ADAMTS16: variants seen among roughly 807,000 people sequenced by gnomAD.
ADAMTS16 encodes A disintegrin and metalloproteinase with thrombospondin motifs 16.
ADAMTS16 carries 94 observed loss-of-function variants against 145.8 expected under a neutral mutation model. The observed-to-expected ratio is 0.64, with a 90% confidence interval of 0.55 to 0.77. The LOEUF (loss-of-function observed/expected upper bound fraction) is 0.77, where lower values mean the gene tolerates loss of function less well. Among genes scored for constraint, ADAMTS16 ranks in the 30% least tolerant of loss-of-function variants. The pLI, the probability that ADAMTS16 is intolerant of heterozygous loss-of-function variation, is 0.00. For synonymous variants in ADAMTS16, 659 were observed against 604.3 expected, an observed-to-expected ratio of 1.09 and a Z score of -1.33; for missense variants, 1,585 against 1,591.5, an observed-to-expected ratio of 1.00 and a Z score of 0.07.
At chr5:5,299,083 A>C (rs538222202) in intron 18 of ADAMTS16, among the ~76,000 whole-genome samples, 8 of 152,318 alleles carry the variant, frequency 5.3e-5, no homozygotes, top group African/African-American at 1.9e-4. Context: ...CCTGATACTT[A>C]TCAATGCCTC....
chr5:5,142,834 C>G (rs1579267117), intron 2 of ADAMTS16, among the ~76,000 whole-genome samples: 1 of 152,168 alleles, frequency 6.6e-6, no homozygotes, highest in Non-Finnish European at 1.5e-5. Context: ...ACCAAAAAAG[C>G]ATGGTACTGG....
At chr5:5,306,050 G>T (rs1740140304) in intron 20 of ADAMTS16, among the ~76,000 whole-genome samples, 1 of 152,212 alleles carries the variant, frequency 6.6e-6, no homozygotes, top group Admixed American at 6.5e-5. Flanking sequence ...CTCGCAGGCA[G>T]CACTCAGATG....
chr5:5,244,759 C>T (rs561387391), intron 17 of ADAMTS16, among the ~76,000 whole-genome samples: 3 of 152,212 alleles, frequency 2.0e-5, no homozygotes, highest in Admixed American at 2.0e-4. Flanking sequence ...TTTCATAATA[C>T]AGCTTCTACC....
At chr5:5,201,689 A>G (rs1735961660) in intron 9 of ADAMTS16, among the ~76,000 whole-genome samples, 2 of 151,944 alleles carry the variant, frequency 1.3e-5, no homozygotes, top group African/African-American at 2.4e-5. Flanking sequence ...GAAGAAAAAA[A>G]TAGCTTAGCA....
chr5:5,187,968 CT>C (rs1317324132), intron 6 of ADAMTS16, among the ~76,000 whole-genome samples, 160 bp downstream of exon 6: 1 of 151,922 alleles, frequency 6.6e-6, no homozygotes, highest in Non-Finnish European at 1.5e-5. Flanking sequence ...CTTTTCAATC[CT>C]TTTAAATGTT....
chr5:5,304,558 T>C (rs1739947185), intron 20 of ADAMTS16, among the ~76,000 whole-genome samples: 1 of 152,092 alleles, frequency 6.6e-6, no homozygotes, highest in South Asian at 2.1e-4. Context: ...AGCTCCTCCC[T>C]GATCCCACGC....
At chr5:5,223,569 T>C (rs1736671004) in intron 11 of ADAMTS16, 1 of 152,056 alleles carries the variant, frequency 6.6e-6, no homozygotes, top group African/African-American at 2.4e-5. Flanking sequence ...GTTATTCGAA[T>C]GCCAAACTTT....
Position 5,319,430 on chromosome 5 carries a change from T to C in ADAMTS16, c.*292T>C. ...GGCACCACAACGGGAGAGGCAGCACTCACCCCTGCCTGTTGCAGCTAAATC... is the reference window on the plus strand; with the variant it reads ...GGCACCACAACGGGAGAGGCAGCACCCACCCCTGCCTGTTGCAGCTAAATC... On this transcript the variant is annotated 3_prime_UTR_variant, in exon 23 of 23. Transcript: ENST00000274181. 2.3e-6 allele frequency: 1 copy of C among 435,168 alleles called. No individual in the cohort carries two copies. Among genetic ancestry groups the C allele is most frequent in the Non-Finnish European group, 4.2e-6 (1 of 238,226 alleles). The allele number at this position is 435,168 out of a possible 1,614,324, so 27.0% of individuals were successfully genotyped here. A position where few individuals can be genotyped will look rare whatever the true frequency, so the allele number is the denominator to read the frequency against.
At chr5:5,233,208 G>T (rs1409536078) in intron 12 of ADAMTS16, among the ~76,000 whole-genome samples, 2 of 152,086 alleles carry the variant, frequency 1.3e-5, no homozygotes, top group Non-Finnish European at 2.9e-5. Flanking sequence ...AAGCAAATTT[G>T]GGGGTTTTCC....
rs547508684 is a variant in ADAMTS16, at chr5:5,225,751, G to C, written c.1701+2867G>C. Among the ~76,000 whole-genome samples, 4 of 152,302 alleles carry C rather than the reference G, an allele frequency of 2.6e-5. No individual in the cohort carries two copies. The South Asian group carries it at 8.3e-4, about 32-fold the overall frequency. On this transcript the variant is annotated intron_variant, in intron 11 of 22. Transcript: ENST00000274181. ...CATGTGAGTGGAGGATTGAAGATTC[G>C]TGAGTATAAAGAAAACATAGAGTAG...
At chr5:5,163,127 G>A (rs1249710973) in intron 3 of ADAMTS16, among the ~76,000 whole-genome samples, 1 of 152,060 alleles carries the variant, frequency 6.6e-6, no homozygotes, top group Non-Finnish European at 1.5e-5. Flanking sequence ...ATAGGTATTG[G>A]GGCATTTTTA....
Position 5,319,805 on chromosome 5 carries a change from C to G in ADAMTS16, c.*667C>G. The G allele has an allele frequency of 2.2e-6, 1 of 450,988 alleles. No homozygotes were observed. The highest frequency in any genetic ancestry group is 4.4e-6 in the Non-Finnish European group (1 of 225,296). 27.9% of individuals were successfully genotyped at this position (450,988 alleles called of 1,614,324 possible). On this transcript the variant is annotated 3_prime_UTR_variant, in exon 23 of 23. Coordinates refer to ENST00000274181, the MANE Select transcript of ADAMTS16 (RefSeq NM_139056.4). ...TATGGAAATGGGAAAAATGAAATTC[C>G]TGCTAAGGTGCTTCTATCTCTTTCA...
Position 5,273,038 on chromosome 5 carries a change from A to C in ADAMTS16, c.2789+10255A>C, listed in dbSNP as rs548516673. ...ATTAGAGCTTTGTTCTGTAGATCCC[A>C]AGGTTTGCCCTCTCTGCTGAGAGAG... On this transcript the variant is annotated intron_variant, in intron 18 of 22. Coordinates refer to ENST00000274181, the MANE Select transcript of ADAMTS16 (RefSeq NM_139056.4). 1.1e-3 allele frequency among the ~76,000 whole-genome samples: 173 copies of C among 152,218 alleles called. 1 individual carries two copies. Among genetic ancestry groups the C allele is most frequent in the Non-Finnish European group, 2.1e-3 (145 of 68,010 alleles).
intron 10 of ADAMTS16, among the ~76,000 whole-genome samples, chr5:5,210,966 T>G (rs1352427125): frequency 6.6e-6 from 1 of 152,266 alleles, no homozygotes; most frequent in Non-Finnish European, 1.5e-5. Flanking sequence ...TTGTTCATTT[T>G]TATAATCTGC....
At chr5:5,301,849 C>T (rs751212641) in intron 18 of ADAMTS16, among the ~76,000 whole-genome samples, 3 of 152,242 alleles carry the variant, frequency 2.0e-5, no homozygotes, top group Non-Finnish European at 2.9e-5. Context: ...GTTCTCAGCA[C>T]AGACACAGCT....
At chr5:5,270,611 C>A (rs1022734962) in intron 18 of ADAMTS16, among the ~76,000 whole-genome samples, 1 of 152,328 alleles carries the variant, frequency 6.6e-6, no homozygotes, top group South Asian at 2.1e-4. Flanking sequence ...AATAATGGAC[C>A]TACATGGCAT....
At chr5:5,292,227 G>A (rs1739351540) in intron 18 of ADAMTS16, among the ~76,000 whole-genome samples, 1 of 152,198 alleles carries the variant, frequency 6.6e-6, no homozygotes, top group Non-Finnish European at 1.5e-5. Flanking sequence ...CAGACGCAGT[G>A]GCTCACGCCT....
intron 2 of ADAMTS16, among the ~76,000 whole-genome samples, chr5:5,143,135 A>G (rs1451453084): frequency 6.6e-6 from 1 of 152,196 alleles, no homozygotes; most frequent in African/African-American, 2.4e-5. Flanking sequence ...AATAAGATCT[A>G]ATTAAACTAA....
chr5:5,225,899 C>A (rs888806869), intron 11 of ADAMTS16, among the ~76,000 whole-genome samples: 4 of 152,110 alleles, frequency 2.6e-5, no homozygotes, highest in Non-Finnish European at 5.9e-5. Flanking sequence ...TTCATTAATT[C>A]ACATGGTCAT....
Sources: gnomAD v4.1 joint callset for allele counts (sites outside exome capture counted in the v4.1 genomes callset) on GRCh38, gnomAD v4.1.1 for gene constraint, MANE v1.5 for transcripts, NCBI Gene and HGNC (gene_info 2026-07-23, HGNC 2026-07-21) for gene names.